The following CCNY variants were observed in gnomAD, a reference collection of about 807,000 sequenced individuals.
CCNY encodes the protein cyclin Y.
Under a neutral mutation model 42.8 loss-of-function variants are expected in CCNY, and 19 were observed. The observed-to-expected ratio is 0.44, with a 90% confidence interval of 0.31 to 0.65. The LOEUF is 0.65. CCNY is among the 30% of genes least tolerant of loss of function. CCNY has a pLI of 0.07. For missense variants in CCNY, 370 were observed against 437.3 expected (o/e 0.85, Z 1.37); for synonymous variants, 165 against 162.7 (o/e 1.01, Z -0.11).
At chr10:35,519,989 G>A (rs1171317480) in intron 4 of CCNY, among the ~76,000 whole-genome samples, 1 of 151,956 alleles carries the variant, frequency 6.6e-6, no homozygotes, top group Non-Finnish European at 1.5e-5. Context: ...TTGTTGCGTA[G>A]GCTGGGCTCA....
upstream of CCNY, among the ~76,000 whole-genome samples, chr10:35,332,141 CAGG>C (rs1835950881): frequency 6.6e-6 from 1 of 152,302 alleles, no homozygotes; most frequent in Non-Finnish European, 1.5e-5. Flanking sequence ...AGGTCGGTGA[CAGG>C]AGGAGCATCA....
chr10:35,477,250 C>G (rs1324001724), intron 1 of CCNY, among the ~76,000 whole-genome samples: 2 of 152,054 alleles, frequency 1.3e-5, no homozygotes, highest in Non-Finnish European at 2.9e-5. Context: ...CGATTCCAAT[C>G]AATAGAAAAA....
At chr10:35,463,447 G>T (rs1317924303) in intron 1 of CCNY, among the ~76,000 whole-genome samples, 1 of 152,192 alleles carries the variant, frequency 6.6e-6, no homozygotes, top group Admixed American at 6.5e-5. Context: ...ATAAGTTACT[G>T]AATCTGACAG....
At position 35,569,267 on chromosome 10, in the gene CCNY, CTTTTCTTTTT is replaced by C; in HGVS notation, c.*100_*109del. ...TGGGTTTGTTTTTGTTTTTTCTTTC[CTTTTCTTTTT>C]TTACGCATAGCTCCGTCAAGCTGCC... On this transcript the variant is annotated 3_prime_UTR_variant, in exon 10 of 10. Transcript: ENST00000374704. 1 of 804,066 alleles carries C rather than the reference CTTTTCTTTTT, an allele frequency of 1.2e-6. No homozygotes were observed. The highest frequency in any genetic ancestry group is 2.1e-6 in the Non-Finnish European group (1 of 475,726). The allele number at this position is 804,066 out of a possible 1,614,324, so 49.8% of individuals were successfully genotyped here. A position where few individuals can be genotyped will look rare whatever the true frequency, so the allele number is the denominator to read the frequency against.
At chr10:35,511,747 T>C (rs1840328987) in intron 3 of CCNY, among the ~76,000 whole-genome samples, 1 of 152,166 alleles carries the variant, frequency 6.6e-6, no homozygotes, top group African/African-American at 2.4e-5. Flanking sequence ...ACACTGTGGG[T>C]TCATCTTTGA....
intron 3 of CCNY, among the ~76,000 whole-genome samples, chr10:35,280,611 A>G (rs751460388): frequency 3.4e-4 from 52 of 152,198 alleles, no homozygotes; most frequent in Non-Finnish European, 5.6e-4. Context: ...AACTCAAAAC[A>G]GATTGAAATA....
At chr10:35,443,732 A>G (rs1414130082) in intron 1 of CCNY, among the ~76,000 whole-genome samples, 1 of 152,224 alleles carries the variant, frequency 6.6e-6, no homozygotes, top group Non-Finnish European at 1.5e-5. Context: ...TTTAGGCTAG[A>G]TATTTCCCCT....
At chr10:35,470,474 C>T (rs149498523) in intron 1 of CCNY, among the ~76,000 whole-genome samples, 14 of 152,304 alleles carry the variant, frequency 9.2e-5, no homozygotes, top group African/African-American at 3.1e-4. Flanking sequence ...CACATGTAGA[C>T]GTGTGGACAC....
rs141727269 is a variant in CCNY, at chr10:35,266,487, C to A, written c.-9+15861C>A. On this transcript the variant is annotated intron_variant, in intron 3 of 11. Coordinates refer to the CCNY transcript ENST00000374706. The stretch of plus-strand genomic sequence containing the variant: ...ATGTAGCAGACTGATTTAAAACATT[C>A]TCTCTCTCACGCGTGGACACAGGCA... Among the ~76,000 whole-genome samples the A allele has an allele frequency of 7.4e-3, 1,127 of 152,020 alleles. 15 individuals carry two copies. Among genetic ancestry groups the A allele is most frequent in the African/African-American group, 0.026 (1,062 of 41,472 alleles).
At chr10:35,472,477 C>CGTATAA (rs1448272084) in intron 1 of CCNY, among the ~76,000 whole-genome samples, 1 of 152,150 alleles carries the variant, frequency 6.6e-6, no homozygotes, top group Non-Finnish European at 1.5e-5. Context: ...GTACCTTATA[C>CGTATAA]CTTCAACTTA....
chr10:35,541,436 G>A (rs988416320), intron 7 of CCNY, among the ~76,000 whole-genome samples: 2 of 152,100 alleles, frequency 1.3e-5, no homozygotes, highest in Non-Finnish European at 2.9e-5. Context: ...TCATTCTGTT[G>A]CCCTGGCTAG....
chr10:35,267,799 C>A (rs561635584), intron 3 of CCNY, among the ~76,000 whole-genome samples: 1 of 152,006 alleles, frequency 6.6e-6, no homozygotes, highest in Non-Finnish European at 1.5e-5. Context: ...AATAGCTGAG[C>A]GGTGGAATAA....
chr10:35,372,704 GTTTA>G (rs1219143787), intron 1 of CCNY, among the ~76,000 whole-genome samples: 1 of 152,142 alleles, frequency 6.6e-6, no homozygotes, highest in Non-Finnish European at 1.5e-5. Flanking sequence ...GCTTACAGTT[GTTTA>G]TTTATTTTGA....
intron 1 of CCNY, among the ~76,000 whole-genome samples, chr10:35,372,647 C>G (rs1836962870): frequency 6.6e-6 from 1 of 152,222 alleles, no homozygotes; most frequent in Admixed American, 6.5e-5. Flanking sequence ...TCTTTTGTGT[C>G]TGTTCTGTGT....
intron 4 of CCNY, among the ~76,000 whole-genome samples, chr10:35,524,791 G>T (rs913161798): frequency 2.0e-5 from 3 of 152,160 alleles, no homozygotes; most frequent in Non-Finnish European, 4.4e-5. Flanking sequence ...TTTTTTGTTT[G>T]CTTGTTTTTT....
chr10:35,411,512 CA>C (rs59117826), intron 1 of CCNY, among the ~76,000 whole-genome samples: 781 of 61,362 alleles, frequency 0.013, 1 homozygote, highest in African/African-American at 0.034. Context: ...AAGACTCTGT[CA>C]AAAAAAAAAA....
intron 4 of CCNY, among the ~76,000 whole-genome samples, chr10:35,519,697 C>T (rs955353878): frequency 9.2e-5 from 14 of 151,584 alleles, no homozygotes; most frequent in African/African-American, 2.9e-4. Flanking sequence ...AAGACATGGT[C>T]TCTGCACTGC....
chr10:35,392,990 C>G (rs1031725431), intron 1 of CCNY, among the ~76,000 whole-genome samples: 1 of 152,126 alleles, frequency 6.6e-6, no homozygotes, highest in Non-Finnish European at 1.5e-5. Flanking sequence ...CCCCGGCCTA[C>G]GTTCAGCAAG....
At chr10:35,491,029 T>C (rs1003241900) in intron 2 of CCNY, among the ~76,000 whole-genome samples, 1 of 152,144 alleles carries the variant, frequency 6.6e-6, no homozygotes, top group African/African-American at 2.4e-5. Context: ...TCTTTCCCTC[T>C]AGTTTGGGGT....
Sources: gnomAD v4.1 joint callset for allele counts (sites outside exome capture counted in the v4.1 genomes callset) on GRCh38, gnomAD v4.1.1 for gene constraint, MANE v1.5 for transcripts, NCBI Gene and HGNC (gene_info 2026-07-23, HGNC 2026-07-21) for gene names.